Variants in GDAP1 observed in about 807,000 individuals in gnomAD.
The protein encoded by GDAP1 is ganglioside-induced differentiation-associated protein 1.
A neutral mutation model predicts 40.1 loss-of-function variants in GDAP1; 34 were observed. The observed-to-expected ratio is 0.85, with a 90% CI of 0.64 to 1.13. GDAP1 has a LOEUF of 1.13. Ranked by LOEUF, GDAP1 falls within the 50% of genes most tolerant of loss-of-function variation. The probability of loss-of-function intolerance (pLI) is 0.00; values close to 1 mark genes in which losing one functional copy is unlikely to be tolerated. For synonymous variants in GDAP1, 170 were observed against 157.4 expected (o/e 1.08, Z -0.60); for missense variants, 374 against 433.7 (o/e 0.86, Z 1.22).
At chr8:74,422,517 T>A (rs1805891083) in intron 2 of GDAP1, among the ~76,000 whole-genome samples, 2 of 139,926 alleles carry the variant, frequency 1.4e-5, no homozygotes. Context: ...CCTTCCTTCC[T>A]TCCTTCCTTC....
At chr8:74,423,342 TAAA>T (rs1284713701) in intron 2 of GDAP1, among the ~76,000 whole-genome samples, 1 of 147,450 alleles carries the variant, frequency 6.8e-6, no homozygotes, top group Non-Finnish European at 1.5e-5. Context: ...TATAGTATAA[TAAA>T]TTATAAATTA....
At chr8:74,429,584 CT>C (rs1806000995) in intron 2 of GDAP1, among the ~76,000 whole-genome samples, 1 of 152,160 alleles carries the variant, frequency 6.6e-6, no homozygotes, top group Non-Finnish European at 1.5e-5. Context: ...CTTCAGATGT[CT>C]TCACATGGTC....
At chr8:74,488,442 A>T (rs1806802730) in intron 2 of GDAP1, among the ~76,000 whole-genome samples, 1 of 152,132 alleles carries the variant, frequency 6.6e-6, no homozygotes, top group South Asian at 2.1e-4. Flanking sequence ...TTCTAATCAT[A>T]CTTGGACATA....
At chr8:74,418,446 T>A (rs1805812842) in intron 2 of GDAP1, among the ~76,000 whole-genome samples, 1 of 152,256 alleles carries the variant, frequency 6.6e-6, no homozygotes, top group Admixed American at 6.5e-5. Context: ...GATATTATAA[T>A]GTTTTTGGCA....
chr8:74,443,993 T>A (rs1159609762), intron 2 of GDAP1, among the ~76,000 whole-genome samples: 2 of 142,234 alleles, frequency 1.4e-5, no homozygotes, highest in Admixed American at 7.7e-5. Flanking sequence ...TATCTATCTA[T>A]CTATCTATCT....
chr8:74,467,712 G>A (rs1434880489), intron 2 of GDAP1, among the ~76,000 whole-genome samples: 1 of 152,176 alleles, frequency 6.6e-6, no homozygotes, highest in Admixed American at 6.5e-5. Context: ...AGCCAAAGCA[G>A]GGTGTTAAAC....
At chr8:74,389,979 A>G (rs1335799246) in intron 2 of GDAP1, among the ~76,000 whole-genome samples, 1 of 152,022 alleles carries the variant, frequency 6.6e-6, no homozygotes, top group Non-Finnish European at 1.5e-5. Context: ...CCGCTAGATC[A>G]ATACTTGCGT....
intron 2 of GDAP1, among the ~76,000 whole-genome samples, chr8:74,420,983 A>G (rs1361052977): frequency 1.3e-5 from 2 of 151,860 alleles, no homozygotes; most frequent in Non-Finnish European, 2.9e-5. Context: ...CCTCATCTTT[A>G]TTGCTTTCAC....
At chr8:74,467,237 C>G (rs1042206410) in intron 2 of GDAP1, among the ~76,000 whole-genome samples, 2 of 152,050 alleles carry the variant, frequency 1.3e-5, no homozygotes, top group Non-Finnish European at 2.9e-5. Flanking sequence ...AGTGGAAGAT[C>G]AAATGGAATA....
intron 2 of GDAP1, among the ~76,000 whole-genome samples, chr8:74,401,391 C>T (rs376179821): frequency 6.7e-6 from 1 of 149,936 alleles, no homozygotes; most frequent in East Asian, 1.9e-4. Flanking sequence ...CGAGCCTTGG[C>T]TTTCAGCTCC....
intron 2 of GDAP1, among the ~76,000 whole-genome samples, chr8:74,401,528 C>T (rs528937123): frequency 1.1e-4 from 16 of 150,022 alleles, no homozygotes; most frequent in Non-Finnish European, 2.1e-4. Flanking sequence ...GTAGTTTGAT[C>T]GTCTGAAGCC....
chr8:74,425,686 C>T (rs1182803512), intron 2 of GDAP1, among the ~76,000 whole-genome samples: 1 of 152,050 alleles, frequency 6.6e-6, no homozygotes, highest in African/African-American at 2.4e-5. Flanking sequence ...TCCATTTGAG[C>T]CTTTGAGTGA....
chr8:74,377,470 G>T (rs532714295), intron 2 of GDAP1, among the ~76,000 whole-genome samples: 1 of 152,282 alleles, frequency 6.6e-6, no homozygotes, highest in South Asian at 2.1e-4. Flanking sequence ...CAAATCTCAT[G>T]TAACAATTGG....
intron 2 of GDAP1, among the ~76,000 whole-genome samples, chr8:74,415,303 C>A (rs1209760618): frequency 2.0e-5 from 3 of 150,194 alleles, no homozygotes; most frequent in Non-Finnish European, 1.5e-5. Context: ...ATTTTAACAT[C>A]ATTTTAAAAC....
At chr8:74,439,977 A>G (rs373715932) in intron 2 of GDAP1, among the ~76,000 whole-genome samples, 34 of 152,206 alleles carry the variant, frequency 2.2e-4, no homozygotes, top group East Asian at 1.9e-3. Context: ...TTATTTTTAT[A>G]TATCTACTTT....
At chr8:74,431,521 A>G (rs1356282172) in intron 2 of GDAP1, among the ~76,000 whole-genome samples, 4 of 151,906 alleles carry the variant, frequency 2.6e-5, no homozygotes, top group Admixed American at 6.6e-5. Flanking sequence ...TCGCTCTGTC[A>G]CCCAGGCTGG....
At chr8:74,478,518 A>G (rs1463941014) in intron 2 of GDAP1, among the ~76,000 whole-genome samples, 1 of 152,106 alleles carries the variant, frequency 6.6e-6, no homozygotes, top group Non-Finnish European at 1.5e-5. Flanking sequence ...GCAAGCAGGC[A>G]TGGCCAAGCT....
chr8:74,409,088 A>T lies in GDAP1; in HGVS notation c.165+57767A>T, dbSNP rs545779844. ...ATTCTTCAAAAATATAAGTTTATAA[A>T]AGTGCTCTATACGTGATTCTGATGT... On this transcript the variant is annotated intron_variant, in intron 2 of 2. Transcript: ENST00000523640. Among the ~76,000 whole-genome samples, 5 of 150,012 alleles carry T rather than the reference A, an allele frequency of 3.3e-5. 1 individual carries two copies. The highest frequency in any genetic ancestry group is 1.3e-4 in the African/African-American group (5 of 39,374).
chr8:74,467,012 A>G (rs557237169), intron 2 of GDAP1, among the ~76,000 whole-genome samples: 1 of 152,338 alleles, frequency 6.6e-6, no homozygotes, highest in African/African-American at 2.4e-5. Context: ...CATTAGGAAC[A>G]CAGACAGCTT....
Sources: gnomAD v4.1 joint callset for allele counts (sites outside exome capture counted in the v4.1 genomes callset) on GRCh38, gnomAD v4.1.1 for gene constraint, MANE v1.5 for transcripts, NCBI Gene and HGNC (gene_info 2026-07-23, HGNC 2026-07-21) for gene names.